Variants in RNF43 observed in about 807,000 individuals in gnomAD.
RNF43 encodes E3 ubiquitin-protein ligase RNF43.
RNF43 carries 37 observed loss-of-function variants against 78.4 expected under a neutral mutation model. The observed-to-expected ratio is 0.47, with a 90% CI of 0.36 to 0.62. RNF43 has a LOEUF of 0.62. Among genes scored for constraint, RNF43 ranks in the 20% least tolerant of loss-of-function variants. The pLI is 0.00. For synonymous variants in RNF43, 347 were observed against 395.0 expected (o/e 0.88, Z 1.44); for missense variants, 774 against 1,007.9 (o/e 0.77, Z 3.14).
In RNF43 at chr17:58,354,267, C is replaced by G. The variant is rs1401882447; in HGVS notation, c.*676G>C. ...TCTTCAAGGAGGAGTTTTTCCCTCCCCACTATTCTTATTCTCAACCCCCAG... is the reference window on the plus strand; with the variant it reads ...TCTTCAAGGAGGAGTTTTTCCCTCCGCACTATTCTTATTCTCAACCCCCAG... On this transcript the variant is annotated 3_prime_UTR_variant, in exon 10 of 10. Transcript: ENST00000407977. 2.0e-5 allele frequency: 4 copies of G among 202,212 alleles called. No homozygotes were observed. Among genetic ancestry groups the G allele is most frequent in the African/African-American group, 2.3e-5 (1 of 43,570 alleles). The allele number at this position is 202,212 out of a possible 1,614,324, so 12.5% of individuals were successfully genotyped here.
chr17:58,366,992 ATTTTT>A (rs60382535), intron 3 of RNF43, among the ~76,000 whole-genome samples: 1 of 122,808 alleles, frequency 8.1e-6, no homozygotes, highest in African/African-American at 3.2e-5. Flanking sequence ...GGCCCGGCTA[ATTTTT>A]TTTTTTTTTT....
At chr17:58,392,269 G>A (rs191693406) in intron 2 of RNF43, among the ~76,000 whole-genome samples, 145 of 152,334 alleles carry the variant, frequency 9.5e-4, no homozygotes, top group Non-Finnish European at 1.6e-3. Flanking sequence ...TGAATCCCAA[G>A]AGACTAAATG....
Position 58,358,573 on chromosome 17 carries a change from C to A in RNF43, c.1203G>T (p.Glu401Asp), listed in dbSNP as rs1173986765. The change falls in exon 9 of 10, where the codon GAG (glutamate) becomes GAT (aspartate). Residue 401 changes from glutamate (E) to aspartate (D), a missense_variant. By Grantham distance (45) the Glu-to-Asp change is conservative (BLOSUM62 2). Transcript: ENST00000407977. This position sits in a 1 kb window ranked among gnomAD's most constrained non-coding sequence, Gnocchi z 6.2. Reference protein sequence around the residue: ...PRAAHPRAPGEQQRLAGAQHP... With the variant: ...PRAAHPRAPGDQQRLAGAQHP... ...GCTGGGCTCCTGCCAGGCGCTGCTG[C>A]TCTCCTGGAGCCCGGGGATGTGCAG... 1 of 1,602,654 alleles carries A rather than the reference C, an allele frequency of 6.2e-7. No homozygotes were observed.
rs1219926536 is a variant in RNF43 at position 58,354,764 on chromosome 17, A to C, written c.*179T>G. On this transcript the variant is annotated 3_prime_UTR_variant, in exon 10 of 10. Coordinates refer to ENST00000407977, the MANE Select transcript of RNF43 (RefSeq NM_017763.6). ...TGCAGACAAGGTCTGGAGCTGGAGCAGGAAACGGCACCCTCTCACCCTCCA... is the reference window on the plus strand; with the variant it reads ...TGCAGACAAGGTCTGGAGCTGGAGCCGGAAACGGCACCCTCTCACCCTCCA... The C allele has an allele frequency of 6.3e-6, 4 of 635,868 alleles. No homozygotes were observed. Among genetic ancestry groups the C allele is most frequent in the Non-Finnish European group, 1.1e-5 (4 of 349,320 alleles). The allele number at this position is 635,868 out of a possible 1,614,324, so 39.4% of individuals were successfully genotyped here. A position where few individuals can be genotyped will look rare whatever the true frequency, so the allele number is the denominator to read the frequency against.
chr17:58,396,685 TA>T (rs1973689277), intron 2 of RNF43, among the ~76,000 whole-genome samples: 1 of 152,166 alleles, frequency 6.6e-6, no homozygotes, highest in South Asian at 2.1e-4. Context: ...TTAGAGTTAG[TA>T]GCTTCCTCTA....
intron 9 of RNF43, among the ~76,000 whole-genome samples, chr17:58,355,499 G>A (rs139433418): frequency 1.6e-4 from 24 of 152,316 alleles, no homozygotes; most frequent in African/African-American, 5.8e-4. Flanking sequence ...TTAGATTTAT[G>A]GGAATAGAGA....
chr17:58,363,416 G>A lies in RNF43; in HGVS notation c.451-10C>T, dbSNP rs1972883316. Reference sequence around the variant, plus strand: ...CCAGCGGCTGCTGCAGCTACAGGGGGAAAGTGCCCACAGGGCTGCTGTGAC... The same window carrying A: ...CCAGCGGCTGCTGCAGCTACAGGGGAAAAGTGCCCACAGGGCTGCTGTGAC... On this transcript the variant is annotated splice_polypyrimidine_tract_variant and intron_variant, in intron 4 of 9. Transcript: ENST00000407977. The A allele has an allele frequency of 3.1e-6, 5 of 1,614,150 alleles. No individual in the cohort carries two copies. The highest frequency in any genetic ancestry group is 2.5e-6 in the Non-Finnish European group (3 of 1,180,006).
chr17:58,391,884 G>A (rs970604504), intron 2 of RNF43, among the ~76,000 whole-genome samples: 2 of 152,158 alleles, frequency 1.3e-5, no homozygotes, highest in Admixed American at 6.5e-5. Context: ...CTCAGGACTG[G>A]GGAGAGGGTC....
At position 58,358,232 on chromosome 17, in the gene RNF43, C is replaced by T. The variant is rs781544020; in HGVS notation, c.1544G>A (p.Gly515Glu). Residue 515 changes from glycine to glutamate, a missense_variant, in exon 9 of 10, where the codon GGG becomes GAG. Transcript: ENST00000407977. This position sits in a 1 kb window ranked among gnomAD's most constrained non-coding sequence, Gnocchi z 6.2. ...FDPLVYCSPK[G>E]DPQRVDMQPS... ...CTGCATGTCCACTCGCTGGGGATCC[C>T]CTTTAGGGCTGCAGTACACTAGGGG... 3 of 1,613,786 alleles carry T rather than the reference C, an allele frequency of 1.9e-6. No individual in the cohort carries two copies. Among genetic ancestry groups the T allele is most frequent in the Non-Finnish European group, 2.5e-6 (3 of 1,179,874 alleles).
intron 3 of RNF43, among the ~76,000 whole-genome samples, chr17:58,363,853 A>G (rs897699796): frequency 1.3e-5 from 2 of 152,178 alleles, no homozygotes; most frequent in Non-Finnish European, 2.9e-5. Flanking sequence ...ACAAACCCTT[A>G]AGGGGGGTTT....
intron 2 of RNF43, among the ~76,000 whole-genome samples, chr17:58,387,294 T>C (rs1015148721): frequency 6.6e-6 from 1 of 152,142 alleles, no homozygotes; most frequent in South Asian, 2.1e-4. Context: ...GTGTGAGCCA[T>C]GGGAACACAC....
At chr17:58,380,288 G>A (rs992860414) in intron 2 of RNF43, among the ~76,000 whole-genome samples, 3 of 152,158 alleles carry the variant, frequency 2.0e-5, no homozygotes, top group African/African-American at 7.2e-5. Flanking sequence ...CAGAAAGGCC[G>A]AGGTCTTGAC....
At chr17:58,392,954 C>G (rs1022031686) in intron 2 of RNF43, among the ~76,000 whole-genome samples, 1 of 152,138 alleles carries the variant, frequency 6.6e-6, no homozygotes, top group African/African-American at 2.4e-5. Flanking sequence ...TACAGGTGAC[C>G]CTTAAACAAC....
chr17:58,362,110 C>CAAAAA (rs987939955), intron 6 of RNF43, among the ~76,000 whole-genome samples: 1 of 125,830 alleles, frequency 7.9e-6, no homozygotes, highest in South Asian at 2.4e-4. Flanking sequence ...AACAAACAAA[C>CAAAAA]AAAAAAAAAC....
At chr17:58,393,213 G>A (rs1973596821) in intron 2 of RNF43, among the ~76,000 whole-genome samples, 1 of 152,150 alleles carries the variant, frequency 6.6e-6, no homozygotes, top group Non-Finnish European at 1.5e-5. Flanking sequence ...TTCGAGACCA[G>A]CCTAATCAAA....
At chr17:58,355,114 G>T (rs1813018349) in intron 9 of RNF43, 128 bp from the exon 10 acceptor site, 2 of 866,564 alleles carry the variant, frequency 2.3e-6, no homozygotes, top group Non-Finnish European at 1.9e-6. Flanking sequence ...GTCTGGAAAG[G>T]GTGGTTAGAT....
At position 58,358,308 on chromosome 17, in the gene RNF43, C is replaced by G. The variant is rs758316406; in HGVS notation, c.1468G>C (p.Val490Leu). The G allele has an allele frequency of 1.2e-6, 2 of 1,614,146 alleles. No individual in the cohort carries two copies. The highest frequency in any genetic ancestry group is 1.7e-6 in the Non-Finnish European group (2 of 1,180,018). The change falls in exon 9 of 10, where the codon GTC becomes CTC. Residue 490 changes from valine to leucine, a missense_variant. Coordinates refer to ENST00000407977, the MANE Select transcript of RNF43 (RefSeq NM_017763.6). This position sits in a 1 kb window ranked among gnomAD's most constrained non-coding sequence, Gnocchi z 6.2. ...VNCTDISLQGVHGSSSTFCSS... is the reference protein window; with the variant it reads ...VNCTDISLQGLHGSSSTFCSS... ...CAGAAAGTAGAACTGCTGCCATGGACCCCCTGTAGGCTGATGTCCGTGCAG... is the reference window on the plus strand; with the variant it reads ...CAGAAAGTAGAACTGCTGCCATGGAGCCCCTGTAGGCTGATGTCCGTGCAG...
intron 2 of RNF43, among the ~76,000 whole-genome samples, chr17:58,390,153 C>T (rs1050995016): frequency 4.6e-5 from 7 of 152,118 alleles, no homozygotes; most frequent in East Asian, 1.9e-4. Flanking sequence ...AAGGTGGGAA[C>T]GAGACAAACC....
At position 58,357,336 on chromosome 17, in the gene RNF43, G is replaced by C; in HGVS notation, c.2308+132C>G. 6.1e-6 allele frequency: 7 copies of C among 1,139,904 alleles called. No homozygotes were observed. The highest frequency in any genetic ancestry group is 9.2e-6 in the Non-Finnish European group (7 of 761,572). The allele number at this position is 1,139,904 out of a possible 1,614,324, so 70.6% of individuals were successfully genotyped here. A position where few individuals can be genotyped will look rare whatever the true frequency, so the allele number is the denominator to read the frequency against. On this transcript the variant is annotated intron_variant, in intron 9 of 9. Coordinates refer to ENST00000407977, the MANE Select transcript of RNF43 (RefSeq NM_017763.6). This position sits in a 1 kb window ranked among gnomAD's most constrained non-coding sequence, Gnocchi z 4.5. The stretch of plus-strand genomic sequence containing the variant: ...CATGATACGCTGTCCCGATGGTTAA[G>C]TATTTTGGTTGTCATCTCTGCTGTA...
Sources: gnomAD v4.1 joint callset for allele counts (sites outside exome capture counted in the v4.1 genomes callset) on GRCh38, gnomAD v4.1.1 for gene constraint, Gnocchi (gnomAD v3.1) non-coding constraint, MANE v1.5 for transcripts, NCBI Gene and HGNC (gene_info 2026-07-23, HGNC 2026-07-21) for gene names.